TRAK1: variants seen among roughly 807,000 people sequenced by gnomAD.
TRAK1 encodes trafficking kinesin protein 1, also known as trafficking kinesin-binding protein 1.
Under a neutral mutation model 92.1 loss-of-function variants are expected in TRAK1, and 33 were observed. The observed-to-expected ratio is 0.36, with a 90% CI of 0.27 to 0.48. The LOEUF (loss-of-function observed/expected upper bound fraction) is 0.48. Among genes scored for constraint, TRAK1 ranks in the 20% least tolerant of loss-of-function variants. TRAK1 has a pLI of 0.99. For synonymous variants in TRAK1, 521 were observed against 517.3 expected, an observed-to-expected ratio of 1.01 and a Z score of -0.10; for missense variants, 1,123 against 1,257.9, an observed-to-expected ratio of 0.89 and a Z score of 1.62.
intron 2 of TRAK1, chr3:42,146,091 T>C (rs925042980): frequency 6.0e-5 from 28 of 465,978 alleles, no homozygotes; most frequent in Non-Finnish European, 1.1e-4. Flanking sequence ...TGTAAAAAAT[T>C]CTTGTATCCC....
At chr3:42,203,085 T>A (rs1401712091) in intron 13 of TRAK1, 4 of 1,232,400 alleles carry the variant, frequency 3.2e-6, no homozygotes, top group Non-Finnish European at 2.0e-6. Flanking sequence ...TGCTAACTGA[T>A]TCAAAAATTA....
At chr3:42,184,908 C>A in intron 4 of TRAK1, 107 bp downstream of exon 4, 2 of 1,108,508 alleles carry the variant, frequency 1.8e-6, no homozygotes, top group Non-Finnish European at 1.3e-6. Context: ...GAAGGACGCT[C>A]CCGAGGGCAC....
upstream of TRAK1, among the ~76,000 whole-genome samples, chr3:42,013,144 G>A (rs543726171): frequency 1.2e-3 from 180 of 152,282 alleles, no homozygotes; most frequent in Admixed American, 4.8e-3. This position sits in a 1 kb window ranked among gnomAD's most constrained non-coding sequence, Gnocchi z 5.1. Context: ...CCCTTTGGTG[G>A]CATCTTAGTC....
At chr3:42,149,150 G>A (rs1699662244) in intron 2 of TRAK1, 1 of 1,002,340 alleles carries the variant, frequency 1.0e-6, no homozygotes, top group Non-Finnish European at 1.2e-6. Flanking sequence ...AGCAGGAGAC[G>A]AGGCTTGAGT....
upstream of TRAK1, among the ~76,000 whole-genome samples, chr3:42,083,907 A>C (rs1576272063): frequency 2.6e-5 from 4 of 152,032 alleles, no homozygotes; most frequent in East Asian, 7.8e-4. Context: ...AAAATAAATA[A>C]ATAAATTCTG....
intron 2 of TRAK1, among the ~76,000 whole-genome samples, chr3:42,129,119 G>A (rs1486591309): frequency 1.3e-5 from 2 of 152,220 alleles, no homozygotes; most frequent in South Asian, 2.1e-4. Flanking sequence ...CTGGCAGAGC[G>A]TCACCAGAAG....
chr3:42,070,251 T>A (rs200626261), intron 1 of TRAK1, among the ~76,000 whole-genome samples: 87 of 124,624 alleles, frequency 7.0e-4, no homozygotes, highest in Admixed American at 1.4e-3. Flanking sequence ...TAATAATAAT[T>A]ATTATAATTA....
At chr3:42,014,312 TA>T (rs1701430519) in intron 1 of TRAK1, among the ~76,000 whole-genome samples, 1 of 152,120 alleles carries the variant, frequency 6.6e-6, no homozygotes, top group Non-Finnish European at 1.5e-5. Flanking sequence ...AAAGTGCCCC[TA>T]GGGCATCGTG....
At chr3:42,063,260 C>T (rs935983259) in intron 1 of TRAK1, among the ~76,000 whole-genome samples, 4 of 152,214 alleles carry the variant, frequency 2.6e-5, no homozygotes, top group South Asian at 2.1e-4. Flanking sequence ...TATTATTTTC[C>T]GCTTCGCGGG....
chr3:42,064,668 C>T (rs917665609), intron 1 of TRAK1, among the ~76,000 whole-genome samples: 1 of 152,096 alleles, frequency 6.6e-6, no homozygotes, highest in African/African-American at 2.4e-5. Context: ...GCTAGACTTC[C>T]TGATATGAAA....
At chr3:42,205,029 T>G (rs1708165645) in intron 13 of TRAK1, among the ~76,000 whole-genome samples, 2 of 152,214 alleles carry the variant, frequency 1.3e-5, no homozygotes, top group Non-Finnish European at 2.9e-5. Context: ...ACTGTGACAT[T>G]AGATAAATCA....
upstream of TRAK1, among the ~76,000 whole-genome samples, chr3:42,083,258 G>C (rs1171295770): frequency 6.6e-6 from 1 of 152,126 alleles, no homozygotes; most frequent in East Asian, 1.9e-4. Context: ...TTTTGGCAGG[G>C]GGAGGGAATT....
chr3:42,161,559 A>T (rs906083557), intron 2 of TRAK1, among the ~76,000 whole-genome samples: 4 of 151,514 alleles, frequency 2.6e-5, no homozygotes, highest in Non-Finnish European at 2.9e-5. Flanking sequence ...AATTTTTAAA[A>T]TTTTTTGGTA....
intron 2 of TRAK1, among the ~76,000 whole-genome samples, chr3:42,170,912 C>T (rs576713228): frequency 3.1e-4 from 47 of 151,868 alleles, no homozygotes; most frequent in African/African-American, 9.2e-4. Context: ...CAAGCTCCGC[C>T]TCCTGGGTTC....
At chr3:42,118,455 C>T (rs181155750) in intron 1 of TRAK1, among the ~76,000 whole-genome samples, 9 of 152,308 alleles carry the variant, frequency 5.9e-5, no homozygotes, top group Admixed American at 5.2e-4. Context: ...AGAGCTATTG[C>T]CTTTGCTGTA....
At chr3:42,101,194 A>C (rs572501794) in intron 1 of TRAK1, among the ~76,000 whole-genome samples, 1 of 152,368 alleles carries the variant, frequency 6.6e-6, no homozygotes, top group East Asian at 1.9e-4. Context: ...TCAAGAGGAC[A>C]GACCCAACCA....
chr3:42,037,491 G>A (rs958400480), intron 1 of TRAK1, among the ~76,000 whole-genome samples: 1 of 152,208 alleles, frequency 6.6e-6, no homozygotes, highest in Admixed American at 6.5e-5. Flanking sequence ...TGGTGAGCAG[G>A]CATGCAGATG....
chr3:42,130,900 G>A (rs1193799070), intron 2 of TRAK1, among the ~76,000 whole-genome samples: 1 of 152,110 alleles, frequency 6.6e-6, no homozygotes, highest in African/African-American at 2.4e-5. Flanking sequence ...GGGTATGTGG[G>A]GCCAGGAATT....
chr3:42,136,244 C>T (rs1697939529), intron 2 of TRAK1, among the ~76,000 whole-genome samples: 1 of 152,146 alleles, frequency 6.6e-6, no homozygotes, highest in Admixed American at 6.5e-5. Flanking sequence ...ATGTGTGTTA[C>T]TGTTTTAGAG....
Sources: allele counts gnomAD v4.1 joint callset (sites outside exome capture counted in the v4.1 genomes callset), GRCh38; gene constraint gnomAD v4.1.1; non-coding constraint Gnocchi (gnomAD v3.1); transcripts MANE v1.5; gene names NCBI Gene and HGNC (gene_info 2026-07-23, HGNC 2026-07-21).